ERP27: variants seen among roughly 807,000 people sequenced by gnomAD.
The protein encoded by ERP27 is endoplasmic reticulum protein 27.
A neutral mutation model predicts 27.7 loss-of-function variants in ERP27; 23 were observed. That is an observed-to-expected ratio of 0.83 (90% CI 0.60 to 1.18). The LOEUF (loss-of-function observed/expected upper bound fraction) is 1.18. Ranked by LOEUF, ERP27 falls within the 50% of genes most tolerant of loss-of-function variation. ERP27 has a pLI of 0.00. For missense variants in ERP27, 363 were observed against 327.9 expected (o/e 1.11, Z -0.83); for synonymous variants, 159 against 118.3 (o/e 1.34, Z -2.23).
chr12:14,915,059 C>A (rs1156951101), intron 6 of ERP27, among the ~76,000 whole-genome samples: 1 of 152,150 alleles, frequency 6.6e-6, no homozygotes, highest in African/African-American at 2.4e-5. Context: ...TGCTTTTAAT[C>A]AAATCTAGTA....
chr12:14,923,506 T>C (rs1183031978), intron 3 of ERP27, among the ~76,000 whole-genome samples: 2 of 151,516 alleles, frequency 1.3e-5, no homozygotes, highest in African/African-American at 4.9e-5. Context: ...TATCTATCTA[T>C]CTATCTATCT....
rs1255563767 is a variant in ERP27 at position 14,914,472 on chromosome 12, A to G, written c.*263T>C. 5 of 469,202 alleles carry G rather than the reference A, an allele frequency of 1.1e-5. No homozygotes were observed. The highest frequency in any genetic ancestry group is 3.9e-5 in the Admixed American group (1 of 25,708). 29.1% of individuals were successfully genotyped at this position (469,202 alleles called of 1,614,324 possible). A position where few individuals can be genotyped will look rare whatever the true frequency, so the allele number is the denominator to read the frequency against. On this transcript the variant is annotated 3_prime_UTR_variant, in exon 7 of 7. Coordinates refer to ENST00000266397, the MANE Select transcript of ERP27 (RefSeq NM_152321.4). The stretch of plus-strand genomic sequence containing the variant: ...GGCTTACAGAGTATGAATGCACGAT[A>G]AGAAGGAAATTGGATAGGGAGTGAG...
intron 4 of ERP27, among the ~76,000 whole-genome samples, chr12:14,917,524 A>G (rs1863430903): frequency 6.6e-6 from 1 of 152,160 alleles, no homozygotes; most frequent in African/African-American, 2.4e-5. Flanking sequence ...GAACTGAGTA[A>G]CCAAGACAAT....
intron 3 of ERP27, among the ~76,000 whole-genome samples, chr12:14,923,508 T>TATC (rs1435359472): frequency 3.3e-5 from 5 of 151,676 alleles, no homozygotes; most frequent in Non-Finnish European, 5.9e-5. Flanking sequence ...TCTATCTATC[T>TATC]ATCTATCTAT....
chr12:14,932,181 A>G (rs1390602307), intron 3 of ERP27, among the ~76,000 whole-genome samples: 1 of 152,162 alleles, frequency 6.6e-6, no homozygotes, highest in Non-Finnish European at 1.5e-5. Context: ...TCCAGCCTTG[A>G]ATAGGTCATG....
At chr12:14,933,355 T>C (rs747518282) in intron 3 of ERP27, among the ~76,000 whole-genome samples, 1 of 152,034 alleles carries the variant, frequency 6.6e-6, no homozygotes, top group South Asian at 2.1e-4. Context: ...AGAGAGAACA[T>C]TAAAAAGAAA....
intron 3 of ERP27, among the ~76,000 whole-genome samples, chr12:14,925,994 G>T (rs1033395976): frequency 6.6e-6 from 1 of 151,980 alleles, no homozygotes; most frequent in Non-Finnish European, 1.5e-5. Context: ...GCTTGAACCT[G>T]GGAGGCAGAG....
intron 2 of ERP27, among the ~76,000 whole-genome samples, chr12:14,937,175 G>C (rs1863785328): frequency 6.6e-6 from 1 of 152,148 alleles, no homozygotes; most frequent in Non-Finnish European, 1.5e-5. Flanking sequence ...CTTTCTCCCT[G>C]ACTTGCATCT....
At chr12:14,937,600 A>C (rs1006569089) in intron 2 of ERP27, among the ~76,000 whole-genome samples, 2 of 152,188 alleles carry the variant, frequency 1.3e-5, no homozygotes, top group African/African-American at 4.8e-5. Flanking sequence ...GCCCCTGCCT[A>C]TTCATAGGGT....
Position 14,914,788 on chromosome 12 carries a change from A to G in ERP27, c.775-6T>C, listed in dbSNP as rs770530660. On this transcript the variant is annotated splice_region_variant and splice_polypyrimidine_tract_variant and intron_variant, in intron 6 of 6. Transcript: ENST00000266397. The stretch of plus-strand genomic sequence containing the variant: ...TCTGATTCACGATTTTCTTTCTGGA[A>G]AACATTATAACAATGATATTTAGAT... The G allele has an allele frequency of 6.2e-7, 1 of 1,611,500 alleles. No homozygotes were observed. The highest frequency in any genetic ancestry group is 8.5e-7 in the Non-Finnish European group (1 of 1,177,804).
chr12:14,938,463 T>A lies in ERP27; in HGVS notation c.46A>T (p.Thr16Ser). The A allele has an allele frequency of 6.2e-7, 1 of 1,614,150 alleles. No homozygotes were observed. The highest frequency in any genetic ancestry group is 2.2e-5 in the East Asian group (1 of 44,856). ...SRFMFLLFLL[T>S]CELAAEVAAE... ...GCAACTTCTGCAGCCAGCTCACACG[T>A]GAGGAGAAATAAGAGGAACATGAAC... Residue 16 changes from threonine (T) to serine (S), a missense_variant, in exon 1 of 7, where the codon ACG becomes TCG. By Grantham distance (58) the Thr-to-Ser change is moderately conservative (BLOSUM62 1). Transcript: ENST00000266397.
intron 3 of ERP27, among the ~76,000 whole-genome samples, chr12:14,933,605 G>A (rs1863730181): frequency 6.6e-6 from 1 of 152,100 alleles, no homozygotes; most frequent in Non-Finnish European, 1.5e-5. Context: ...GAAGGGGCAC[G>A]ACATTCAGTC....
intron 4 of ERP27, 145 bp from the exon 5 acceptor site, chr12:14,917,448 G>GTT: frequency 1.8e-6 from 2 of 1,128,882 alleles, no homozygotes; most frequent in Non-Finnish European, 2.6e-6. Flanking sequence ...ATGGCTCTCA[G>GTT]TTAAGTCTTA....
rs186127670 is a variant in ERP27 at position 14,938,494 on chromosome 12, C to T, written c.15G>A (p.Pro5=). ...GAAATAAGAGGAACATGAACCTGGA[C>T]GGGGCAGCTTCCATTGTCCCTCTCC... MEAA[P]SRFMFLLFLL... The change falls in exon 1 of 7, where the codon CCG becomes CCA. Residue 5 remains proline (P), a synonymous_variant. Coordinates refer to ENST00000266397, the MANE Select transcript of ERP27 (RefSeq NM_152321.4). 55 of 1,612,416 alleles carry T rather than the reference C, an allele frequency of 3.4e-5. No individual in the cohort carries two copies. The highest frequency in any genetic ancestry group is 5.5e-5 in the South Asian group (5 of 90,916).
chr12:14,938,467 G>A lies in ERP27; in HGVS notation c.42C>T (p.Leu14=), dbSNP rs539378364. The stretch of plus-strand genomic sequence containing the variant: ...CTTCTGCAGCCAGCTCACACGTGAG[G>A]AGAAATAAGAGGAACATGAACCTGG... ...APSRFMFLLF[L]LTCELAAEVA... The change falls in exon 1 of 7, where the codon CTC becomes CTT. Residue 14 remains leucine (L), a synonymous_variant. Coordinates refer to ENST00000266397, the MANE Select transcript of ERP27 (RefSeq NM_152321.4). 15 of 1,614,050 alleles carry A rather than the reference G, an allele frequency of 9.3e-6. No homozygotes were observed. Among genetic ancestry groups the A allele is most frequent in the African/African-American group, 6.7e-5 (5 of 75,034 alleles).
intron 3 of ERP27, among the ~76,000 whole-genome samples, chr12:14,928,277 G>A (rs1311166392): frequency 6.6e-6 from 1 of 152,130 alleles, no homozygotes; most frequent in African/African-American, 2.4e-5. Context: ...TGTTAGTTAA[G>A]GTAGGAGGGA....
chr12:14,929,257 G>T, intron 3 of ERP27: 1 of 706,724 alleles, frequency 1.4e-6, no homozygotes, highest in Non-Finnish European at 2.0e-6. Context: ...ATTGGAGGCA[G>T]AGGATGTTAA....
chr12:14,917,071 C>T (rs776391599), intron 5 of ERP27, 107 bp downstream of exon 5: 25 of 1,362,530 alleles, frequency 1.8e-5, no homozygotes, highest in Non-Finnish European at 2.5e-5. Context: ...TTGCTATCTC[C>T]TAACCATAGT....
At chr12:14,915,155 A>G (rs1353858374) in intron 6 of ERP27, among the ~76,000 whole-genome samples, 1 of 152,208 alleles carries the variant, frequency 6.6e-6, no homozygotes, top group African/African-American at 2.4e-5. Flanking sequence ...TTTATGGGGT[A>G]CAGAGTGATA....
Sources: allele counts gnomAD v4.1 joint callset (sites outside exome capture counted in the v4.1 genomes callset), GRCh38; gene constraint gnomAD v4.1.1; transcripts MANE v1.5; gene names NCBI Gene and HGNC (gene_info 2026-07-23, HGNC 2026-07-21).